SPIDR: variants seen among roughly 807,000 people sequenced by gnomAD.
The protein encoded by SPIDR is DNA repair-scaffolding protein.
In SPIDR, 93 loss-of-function variants were observed where a neutral mutation model predicts 104.6. The observed-to-expected ratio is 0.89, with a 90% CI of 0.75 to 1.06. The LOEUF (loss-of-function observed/expected upper bound fraction) is 1.06, where lower values mean the gene tolerates loss of function less well. Ranked by LOEUF, SPIDR falls within the 50% of genes least tolerant of loss-of-function variation. SPIDR has a pLI of 0.00. For synonymous variants in SPIDR, 431 were observed against 416.9 expected (o/e 1.03, Z -0.41); for missense variants, 1,154 against 1,111.2 (o/e 1.04, Z -0.55).
chr8:47,312,900 A>G (rs1178440523), intron 5 of SPIDR, among the ~76,000 whole-genome samples: 1 of 152,132 alleles, frequency 6.6e-6, no homozygotes, highest in Non-Finnish European at 1.5e-5. Flanking sequence ...ATTTGTGTAT[A>G]AGGTGTAAGG....
chr8:47,687,997 CT>C, intron 11 of SPIDR, among the ~76,000 whole-genome samples: 1 of 137,244 alleles, frequency 7.3e-6, no homozygotes, highest in Admixed American at 7.8e-5. Context: ...AGATTGAGAC[CT>C]GGCTGTCAAA....
At chr8:47,563,588 G>A (rs772060267) in intron 8 of SPIDR, among the ~76,000 whole-genome samples, 11 of 152,112 alleles carry the variant, frequency 7.2e-5, no homozygotes, top group Admixed American at 1.3e-4. Flanking sequence ...TGCCCCTATC[G>A]ACTGTCACAT....
chr8:47,563,107 G>T (rs935145161), intron 8 of SPIDR, among the ~76,000 whole-genome samples: 3 of 139,464 alleles, frequency 2.2e-5, no homozygotes, highest in African/African-American at 5.4e-5. Flanking sequence ...TACATGTTTT[G>T]TTCATTAAAT....
Position 47,727,299 on chromosome 8 carries a change from G to A in SPIDR, c.2435+6G>A. ...GAACAGAGGCCGGAAGACAGGTAAG[G>A]GGACAGGAGCTGTCCTGAAAGCCCT... On this transcript the variant is annotated splice_donor_region_variant and intron_variant, in intron 17 of 19. Coordinates refer to ENST00000297423, the MANE Select transcript of SPIDR (RefSeq NM_001080394.4). The A allele has an allele frequency of 6.2e-7, 1 of 1,613,724 alleles. No individual in the cohort carries two copies. Among genetic ancestry groups the A allele is most frequent in the East Asian group, 2.2e-5 (1 of 44,854 alleles).
At chr8:47,496,810 ATGTTTGTT>A (rs56406549) in intron 8 of SPIDR, among the ~76,000 whole-genome samples, 3,695 of 146,040 alleles carry the variant, frequency 0.025, 125 homozygotes, top group African/African-American at 0.076. Context: ...ATCTGGGCCT[ATGTTTGTT>A]TGTTTGTTTG....
chr8:47,619,105 C>A (rs528983492), intron 10 of SPIDR, among the ~76,000 whole-genome samples: 4 of 152,218 alleles, frequency 2.6e-5, no homozygotes, highest in South Asian at 2.1e-4. Flanking sequence ...TAAAAATTAG[C>A]CTTTTGTAAT....
At chr8:47,396,038 G>A (rs998653247) in intron 5 of SPIDR, among the ~76,000 whole-genome samples, 6 of 152,152 alleles carry the variant, frequency 3.9e-5, no homozygotes, top group Admixed American at 1.3e-4. Flanking sequence ...ACGATCATCA[G>A]CCTTTCAGAT....
intron 10 of SPIDR, among the ~76,000 whole-genome samples, chr8:47,652,579 C>A (rs772499783): frequency 6.6e-6 from 1 of 152,134 alleles, no homozygotes. Flanking sequence ...GAATATGGTT[C>A]GTCTTCAAAT....
chr8:47,603,741 G>A (rs1485405557), intron 10 of SPIDR, among the ~76,000 whole-genome samples: 1 of 152,026 alleles, frequency 6.6e-6, no homozygotes, highest in African/African-American at 2.4e-5. Flanking sequence ...ATTCTTTCTT[G>A]CCCTTCATTG....
chr8:47,504,633 C>T (rs908400925), intron 8 of SPIDR, among the ~76,000 whole-genome samples: 2 of 152,340 alleles, frequency 1.3e-5, no homozygotes, highest in East Asian at 3.9e-4. Flanking sequence ...CTTCTCTCAA[C>T]TCGTCAAAGT....
At chr8:47,723,778 A>G (rs111888250) in intron 16 of SPIDR, among the ~76,000 whole-genome samples, 8,068 of 152,142 alleles carry the variant, frequency 0.053, 295 homozygotes, top group Non-Finnish European at 0.081. Flanking sequence ...GGAGTTTGCA[A>G]TACACTTTAC....
At chr8:47,491,785 G>A (rs564150468) in intron 8 of SPIDR, among the ~76,000 whole-genome samples, 144 of 152,184 alleles carry the variant, frequency 9.5e-4, no homozygotes, top group African/African-American at 3.3e-3. Context: ...ATGAGTTCAA[G>A]GCTGTAGTGA....
intron 11 of SPIDR, among the ~76,000 whole-genome samples, chr8:47,691,907 C>T (rs1423060553): frequency 6.6e-6 from 1 of 152,220 alleles, no homozygotes. Flanking sequence ...TGTGCTGCTC[C>T]TGGGCTCTGT....
rs548865536 is a variant in SPIDR at position 47,391,910 on chromosome 8, G to A, written c.526-4466G>A. On this transcript the variant is annotated intron_variant, in intron 5 of 19. Coordinates refer to ENST00000297423, the MANE Select transcript of SPIDR (RefSeq NM_001080394.4). ...ACTCGGGAGGCTGAGGCAGGAGAAC[G>A]GCGTGAACCTGGGAGGCGGAGCTTG... is the stretch of plus-strand genomic sequence containing the variant. 1.6e-3 allele frequency among the ~76,000 whole-genome samples: 247 copies of A among 151,084 alleles called. 2 individuals are homozygous for A. Among genetic ancestry groups the A allele is most frequent in the Non-Finnish European group, 4.3e-4 (29 of 67,694 alleles).
At chr8:47,374,885 T>A (rs1554641375) in intron 5 of SPIDR, among the ~76,000 whole-genome samples, 1 of 152,120 alleles carries the variant, frequency 6.6e-6, no homozygotes, top group African/African-American at 2.4e-5. Flanking sequence ...GGTGAAACCC[T>A]GTTTCTACTA....
chr8:47,636,565 A>C (rs2154444919), intron 10 of SPIDR, among the ~76,000 whole-genome samples: 1 of 152,316 alleles, frequency 6.6e-6, no homozygotes, highest in African/African-American at 2.4e-5. Flanking sequence ...TCATGCCTGT[A>C]ATCCCAGCAC....
intron 8 of SPIDR, among the ~76,000 whole-genome samples, chr8:47,469,137 A>G (rs915612061): frequency 1.6e-4 from 25 of 152,264 alleles, no homozygotes; most frequent in African/African-American, 5.5e-4. Context: ...CAGAACCACA[A>G]TGAGATACCA....
chr8:47,574,350 C>G (rs10107723), intron 8 of SPIDR, among the ~76,000 whole-genome samples: 1 of 151,990 alleles, frequency 6.6e-6, no homozygotes, highest in African/African-American at 2.4e-5. Context: ...GTTTTTTTCC[C>G]TTTTTATTCT....
chr8:47,559,223 A>G (rs938338060), intron 8 of SPIDR, among the ~76,000 whole-genome samples: 1 of 152,252 alleles, frequency 6.6e-6, no homozygotes, highest in Non-Finnish European at 1.5e-5. Flanking sequence ...TCACTTGCAT[A>G]AATAGTGGAC....
Sources: gnomAD v4.1 joint callset for allele counts (sites outside exome capture counted in the v4.1 genomes callset) on GRCh38, gnomAD v4.1.1 for gene constraint, MANE v1.5 for transcripts, NCBI Gene and HGNC (gene_info 2026-07-23, HGNC 2026-07-21) for gene names.